The following PAH variants were observed in gnomAD, a reference collection of about 807,000 sequenced individuals.
PAH encodes the protein phenylalanine-4-hydroxylase.
In PAH, 64 loss-of-function variants were observed where a neutral mutation model predicts 62.0. The observed-to-expected ratio is 1.03, with a 90% CI of 0.84 to 1.27. The LOEUF is 1.27. PAH is among the 50% of genes most tolerant of loss of function. PAH has a pLI of 0.00. For missense variants in PAH, 579 were observed against 542.8 expected (o/e 1.07, Z -0.66); for synonymous variants, 195 against 196.2 (o/e 0.99, Z 0.05).
At chr12:102,844,688 G>A (rs980038112) in intron 9 of PAH, among the ~76,000 whole-genome samples, 10 of 152,148 alleles carry the variant, frequency 6.6e-5, no homozygotes, top group Non-Finnish European at 1.3e-4. Flanking sequence ...AGCCACATAC[G>A]TATTCTATCT....
At chr12:102,939,673 G>T (rs1260848293) in intron 1 of PAH, among the ~76,000 whole-genome samples, 3 of 152,160 alleles carry the variant, frequency 2.0e-5, no homozygotes, top group African/African-American at 7.2e-5. Context: ...AACCATGCAG[G>T]GCCCCCAGTT....
chr12:102,871,971 TATATATATATA>T (rs1442828870), intron 4 of PAH, among the ~76,000 whole-genome samples: 9 of 139,630 alleles, frequency 6.4e-5, no homozygotes, highest in African/African-American at 2.4e-4. Context: ...TATATATATA[TATATATATATA>T]TATTTGCAAA....
chr12:102,876,000 T>C lies in PAH; in HGVS notation c.441+1462A>G, dbSNP rs1420525354. Among the ~76,000 whole-genome samples the C allele has an allele frequency of 2.6e-5, 4 of 151,430 alleles. No individual in the cohort carries two copies. The Admixed American group carries it at 2.6e-4, about 10-fold the overall frequency. On this transcript the variant is annotated intron_variant, in intron 4 of 12. Coordinates refer to ENST00000553106, the MANE Select transcript of PAH (RefSeq NM_000277.3). ...ATGGAGGCACACCCAAATATTAATA[T>C]TGATTTATTGATTATTTTAGAATAG...
chr12:102,866,059 G>T (rs1875942104), intron 5 of PAH, among the ~76,000 whole-genome samples: 2 of 148,750 alleles, frequency 1.3e-5, no homozygotes, highest in African/African-American at 5.0e-5. Context: ...ATAGGGTAGG[G>T]GAGGAACACA....
At chr12:102,947,609 G>A (rs972072772) in intron 1 of PAH, among the ~76,000 whole-genome samples, 35 of 152,172 alleles carry the variant, frequency 2.3e-4, no homozygotes, top group Admixed American at 2.2e-3. Flanking sequence ...TAAGAACCAT[G>A]GTAGTCAAAG....
At chr12:102,941,546 TA>T (rs1413652722) in intron 1 of PAH, among the ~76,000 whole-genome samples, 1 of 152,030 alleles carries the variant, frequency 6.6e-6, no homozygotes, top group African/African-American at 2.4e-5. Flanking sequence ...CCAACAATGA[TA>T]AAAAATAATG....
chr12:102,897,354 T>G (rs1877545706), intron 2 of PAH, among the ~76,000 whole-genome samples: 1 of 151,818 alleles, frequency 6.6e-6, no homozygotes. Context: ...CATTTGCATT[T>G]CTTTTATGAA....
intron 3 of PAH, among the ~76,000 whole-genome samples, chr12:102,886,985 A>T (rs1877067842): frequency 6.6e-6 from 1 of 152,170 alleles, no homozygotes; most frequent in South Asian, 2.1e-4. Flanking sequence ...GTAGTAAGAG[A>T]AGGAAGAAAA....
At chr12:102,954,000 G>T (rs1197939640), upstream of PAH, among the ~76,000 whole-genome samples, 2 of 152,174 alleles carry the variant, frequency 1.3e-5, no homozygotes, top group African/African-American at 4.8e-5. Flanking sequence ...TTCCTTTTGT[G>T]AGTTGTTTAC....
intron 2 of PAH, among the ~76,000 whole-genome samples, chr12:102,908,437 T>G (rs994063557): frequency 6.6e-6 from 1 of 152,222 alleles, no homozygotes; most frequent in African/African-American, 2.4e-5. Context: ...GTTACATAGG[T>G]GCATTTTACA....
At chr12:102,860,120 C>T (rs1592957683) in intron 5 of PAH, among the ~76,000 whole-genome samples, 1 of 152,344 alleles carries the variant, frequency 6.6e-6, no homozygotes. Context: ...TGATAATCAA[C>T]TTCAGCAAAG....
At chr12:102,877,984 C>G (rs1160043798) in intron 3 of PAH, among the ~76,000 whole-genome samples, 3 of 152,118 alleles carry the variant, frequency 2.0e-5, no homozygotes, top group Non-Finnish European at 4.4e-5. Context: ...CGCCATCATG[C>G]CTGCCCAATT....
intron 1 of PAH, among the ~76,000 whole-genome samples, chr12:102,913,205 C>G (rs1261033398): frequency 2.0e-5 from 3 of 152,168 alleles, no homozygotes; most frequent in Non-Finnish European, 2.9e-5. Context: ...GTTCCAGGCA[C>G]TATTTGGGCT....
chr12:102,874,131 TTTAGGGAGGC>T (rs1165384116), intron 4 of PAH, among the ~76,000 whole-genome samples: 4 of 152,152 alleles, frequency 2.6e-5, no homozygotes, highest in Non-Finnish European at 5.9e-5. Context: ...GGAGGAAGGC[TTTAGGGAGGC>T]AACATATATG....
At chr12:102,935,643 G>A (rs1185565681) in intron 1 of PAH, among the ~76,000 whole-genome samples, 1 of 151,946 alleles carries the variant, frequency 6.6e-6, no homozygotes, top group Non-Finnish European at 1.5e-5. Flanking sequence ...ATCTAGGAAT[G>A]TATCCATTTC....
chr12:102,852,097 A>C, intron 7 of PAH: 2 of 298,756 alleles, frequency 6.7e-6, no homozygotes, highest in Non-Finnish European at 1.3e-5. Flanking sequence ...AACACTTCTC[A>C]TCCTGTCTTC....
At chr12:102,853,858 A>C (rs1875288012) in intron 6 of PAH, among the ~76,000 whole-genome samples, 1 of 152,194 alleles carries the variant, frequency 6.6e-6, no homozygotes, top group Non-Finnish European at 1.5e-5. Flanking sequence ...TAGCCCTATG[A>C]AGTAGACACT....
chr12:102,887,761 T>C (rs1052422006), intron 3 of PAH, among the ~76,000 whole-genome samples: 4 of 152,012 alleles, frequency 2.6e-5, no homozygotes, highest in Admixed American at 1.3e-4. Flanking sequence ...TCTGGAAGGG[T>C]GTCAGATGGA....
chr12:102,923,208 G>T (rs1346302183), intron 1 of PAH, among the ~76,000 whole-genome samples: 1 of 152,128 alleles, frequency 6.6e-6, no homozygotes, highest in Non-Finnish European at 1.5e-5. Flanking sequence ...ACAGCAGGGG[G>T]TACACACTTG....
Sources: gnomAD v4.1 joint callset for allele counts (sites outside exome capture counted in the v4.1 genomes callset) on GRCh38, gnomAD v4.1.1 for gene constraint, MANE v1.5 for transcripts, NCBI Gene and HGNC (gene_info 2026-07-23, HGNC 2026-07-21) for gene names.